CORO7: variants seen among roughly 807,000 people sequenced by gnomAD.
CORO7 encodes coronin-7.
Under a neutral mutation model 126.6 loss-of-function variants are expected in CORO7, and 107 were observed. The ratio of observed to expected loss-of-function variants is 0.85; its 90% CI spans 0.72 to 0.99. The LOEUF (loss-of-function observed/expected upper bound fraction) is 0.99. CORO7 is among the 50% of genes least tolerant of loss of function. CORO7 has a pLI of 0.00. For missense variants in CORO7, 1,314 were observed against 1,255.8 expected (o/e 1.05, Z -0.70); for synonymous variants, 603 against 536.8 (o/e 1.12, Z -1.70).
chr16:4,398,807 A>C (rs1259171469), intron 6 of CORO7, among the ~76,000 whole-genome samples: 1 of 152,080 alleles, frequency 6.6e-6, no homozygotes, highest in Non-Finnish European at 1.5e-5. Flanking sequence ...GTCTCTACTA[A>C]AAATACAAAA....
At chr16:4,377,429 C>G (rs73507281) in intron 9 of CORO7, among the ~76,000 whole-genome samples, 5,209 of 152,232 alleles carry the variant, frequency 0.034, 300 homozygotes, top group African/African-American at 0.12. Context: ...CAAGCACACG[C>G]CCAGACCCCA....
At chr16:4,371,602 C>CT (rs1456206271) in intron 9 of CORO7, among the ~76,000 whole-genome samples, 175 of 152,340 alleles carry the variant, frequency 1.1e-3, no homozygotes, top group African/African-American at 3.9e-3. Context: ...AATAGTCTCT[C>CT]GCTTTTTACA....
Position 4,361,967 on chromosome 16 carries a change from G to A in CORO7, c.1578+18C>T. 5 of 1,590,180 alleles carry A rather than the reference G, an allele frequency of 3.1e-6. No homozygotes were observed. Among genetic ancestry groups the A allele is most frequent in the Non-Finnish European group, 3.4e-6 (4 of 1,168,940 alleles). On this transcript the variant is annotated intron_variant, in intron 16 of 27. Transcript: ENST00000251166. ...GGCAGGGAACTGAGGGGCAGCCCTG[G>A]TGGGGTGGGGCCCTCACCTCAAGCA...
chr16:4,377,228 C>G (rs1176302882), intron 9 of CORO7, among the ~76,000 whole-genome samples: 1 of 152,132 alleles, frequency 6.6e-6, no homozygotes, highest in Non-Finnish European at 1.5e-5. Context: ...CCCCGACGTC[C>G]CCGAATCCCA....
chr16:4,415,660 G>A, intron 1 of CORO7: 3 of 968,096 alleles, frequency 3.1e-6, no homozygotes, highest in Non-Finnish European at 3.7e-6. Flanking sequence ...CCCTGATGGG[G>A]TCACTTGAGG....
intron 9 of CORO7, 133 bp from the exon 10 acceptor site, chr16:4,365,678 T>G (rs927910656): frequency 1.1e-5 from 14 of 1,230,480 alleles, no homozygotes; most frequent in Non-Finnish European, 1.6e-5. Context: ...TTCAGCCTGG[T>G]CCCCAGGAAC....
At chr16:4,383,820 C>G (rs2055093048) in intron 9 of CORO7, among the ~76,000 whole-genome samples, 1 of 152,246 alleles carries the variant, frequency 6.6e-6, no homozygotes, top group Admixed American at 6.5e-5. Flanking sequence ...AGGCTTGTGG[C>G]ACATGTGGGG....
At chr16:4,407,214 T>C (rs1462407864) in intron 5 of CORO7, among the ~76,000 whole-genome samples, 7 of 146,034 alleles carry the variant, frequency 4.8e-5, no homozygotes, top group East Asian at 2.0e-4. Flanking sequence ...TCCCAGAGTG[T>C]TGGGATTACA....
intron 6 of CORO7, among the ~76,000 whole-genome samples, chr16:4,399,320 C>T (rs924044229): frequency 6.6e-6 from 1 of 152,194 alleles, no homozygotes; most frequent in Non-Finnish European, 1.5e-5. Flanking sequence ...TCCTACTGCA[C>T]GCCACGAGTA....
intron 9 of CORO7, among the ~76,000 whole-genome samples, chr16:4,373,226 G>C (rs965347236): frequency 6.6e-6 from 1 of 152,162 alleles, no homozygotes; most frequent in African/African-American, 2.4e-5. Flanking sequence ...GAGTGTCAGA[G>C]GCAGGAAGAG....
intron 19 of CORO7, among the ~76,000 whole-genome samples, 180 bp from the exon 20 acceptor site, chr16:4,360,728 C>A (rs570046317): frequency 2.1e-5 from 3 of 145,742 alleles, no homozygotes; most frequent in African/African-American, 7.6e-5. Context: ...GCTGGCCCCC[C>A]TTCTCCTCAA....
chr16:4,405,541 G>A lies in CORO7; in HGVS notation c.514C>T (p.Gln172Ter). 4 of 1,612,886 alleles carry A rather than the reference G, an allele frequency of 2.5e-6. No individual in the cohort carries two copies. The highest frequency in any genetic ancestry group is 2.5e-6 in the Non-Finnish European group (3 of 1,179,890). Residue 172 changes from glutamine (Q) to a stop codon, truncating the protein, a stop_gained, in exon 6 of 28, where the codon CAG (glutamine) becomes TAG (stop). Transcript: ENST00000251166. LOFTEE classifies it high-confidence loss of function. ...CCATCTCGGCTCCAGACGGCGCTCTGCACCAGGTCCCCATGGGCTGCCAGC... is the reference window on the plus strand; with the variant it reads ...CCATCTCGGCTCCAGACGGCGCTCTACACCAGGTCCCCATGGGCTGCCAGC... Reference protein sequence around the residue: ...TELAAHGDLVQSAVWSRDGAL... With the variant: ...TELAAHGDLV
At position 4,408,227 on chromosome 16, in the gene CORO7, G is replaced by A. The variant is rs748733657; in HGVS notation, c.257C>T (p.Ser86Leu). Reference protein sequence around the residue: ...HSDLVTDLDFSPFDDFLLATG... With the variant: ...HSDLVTDLDFLPFDDFLLATG... ...GGCCAGGAGGAAGTCATCAAAGGGC[G>A]AGAAGTCCAAGTCGGTGACTAGGTC... The change falls in exon 4 of 28, where the codon TCG becomes TTG. Residue 86 changes from serine (S) to leucine (L), a missense_variant. By Grantham distance (145) the Ser-to-Leu change is moderately radical (BLOSUM62 -2). Coordinates refer to ENST00000251166, the MANE Select transcript of CORO7 (RefSeq NM_024535.5). The A allele has an allele frequency of 1.4e-5, 23 of 1,614,092 alleles. No individual in the cohort carries two copies. The highest frequency in any genetic ancestry group is 8.3e-5 in the Admixed American group (5 of 60,008).
At chr16:4,381,975 G>A (rs759071837) in intron 9 of CORO7, 3 of 1,607,990 alleles carry the variant, frequency 1.9e-6, no homozygotes, top group Non-Finnish European at 2.5e-6. Flanking sequence ...CCGTGGTGCG[G>A]GAGCCCACAG....
chr16:4,401,675 G>A (rs893597248), intron 6 of CORO7, among the ~76,000 whole-genome samples: 4 of 152,188 alleles, frequency 2.6e-5, no homozygotes, highest in African/African-American at 9.7e-5. Flanking sequence ...GGGCCAGAGA[G>A]AGCAAGTAGA....
intron 9 of CORO7, among the ~76,000 whole-genome samples, chr16:4,376,976 G>A (rs1033369015): frequency 1.3e-5 from 2 of 152,148 alleles, no homozygotes; most frequent in African/African-American, 4.8e-5. Flanking sequence ...AATGTTTACC[G>A]ACCACTTGGC....
At chr16:4,379,313 G>A (rs1159703047) in intron 9 of CORO7, among the ~76,000 whole-genome samples, 1 of 152,066 alleles carries the variant, frequency 6.6e-6, no homozygotes, top group African/African-American at 2.4e-5. Flanking sequence ...TTCTAGGGGT[G>A]CCAAAGTGGG....
At chr16:4,375,128 C>T (rs1488852597) in intron 9 of CORO7, among the ~76,000 whole-genome samples, 1 of 151,974 alleles carries the variant, frequency 6.6e-6, no homozygotes, top group Non-Finnish European at 1.5e-5. Flanking sequence ...GCACGTCCCA[C>T]CGCCCCAGGG....
At chr16:4,401,748 G>A (rs2141301191) in intron 6 of CORO7, among the ~76,000 whole-genome samples, 1 of 152,208 alleles carries the variant, frequency 6.6e-6, no homozygotes, top group Admixed American at 6.5e-5. Flanking sequence ...GCAAGCGACA[G>A]AGGCTCTCAG....
Sources: gnomAD v4.1 joint callset for allele counts (sites outside exome capture counted in the v4.1 genomes callset) on GRCh38, gnomAD v4.1.1 for gene constraint, MANE v1.5 for transcripts, NCBI Gene and HGNC (gene_info 2026-07-23, HGNC 2026-07-21) for gene names.